OSBPL9: variants seen among roughly 807,000 people sequenced by gnomAD.
OSBPL9 encodes oxysterol-binding protein-related protein 9.
In OSBPL9, 40 loss-of-function variants were observed where a neutral mutation model predicts 106.6. That is an observed-to-expected ratio of 0.38 (90% confidence interval 0.29 to 0.49). The LOEUF (loss-of-function observed/expected upper bound fraction) is 0.49. OSBPL9 is among the 20% of genes least tolerant of loss of function. The pLI is 0.97. For missense variants in OSBPL9, 609 were observed against 887.2 expected (o/e 0.69, Z 3.98); for synonymous variants, 269 against 295.4 (o/e 0.91, Z 0.92).
At chr1:51,757,291 A>C (rs1404013325) in intron 9 of OSBPL9, among the ~76,000 whole-genome samples, 2 of 152,112 alleles carry the variant, frequency 1.3e-5, no homozygotes, top group Non-Finnish European at 2.9e-5. Context: ...AATATATCAG[A>C]ATTTTTGTCA....
intron 15 of OSBPL9, among the ~76,000 whole-genome samples, chr1:51,780,010 G>A (rs1675960343): frequency 6.6e-6 from 1 of 151,616 alleles, no homozygotes; most frequent in African/African-American, 2.4e-5. Context: ...CCCGGCAGGT[G>A]GAGCTTGCAG....
chr1:51,694,808 G>A (rs1002201293), intron 3 of OSBPL9, among the ~76,000 whole-genome samples: 14 of 152,268 alleles, frequency 9.2e-5, no homozygotes, highest in African/African-American at 3.1e-4. Flanking sequence ...TGTCAAGGTC[G>A]TGGTGGCTGG....
At chr1:51,661,876 G>A (rs1647189286) in intron 2 of OSBPL9, among the ~76,000 whole-genome samples, 1 of 152,156 alleles carries the variant, frequency 6.6e-6, no homozygotes, top group Non-Finnish European at 1.5e-5. Flanking sequence ...GGGGCAATTG[G>A]TAAACCTTAA....
intron 3 of OSBPL9, among the ~76,000 whole-genome samples, chr1:51,694,497 A>G (rs545027693): frequency 2.0e-4 from 31 of 152,354 alleles, no homozygotes; most frequent in Admixed American, 5.9e-4. Flanking sequence ...ATACTCACCA[A>G]AATTTAAGTG....
chr1:51,763,258 C>T (rs187435201), intron 11 of OSBPL9, among the ~76,000 whole-genome samples: 2 of 152,226 alleles, frequency 1.3e-5, no homozygotes, highest in African/African-American at 4.8e-5. Flanking sequence ...TGTCCACCTC[C>T]ACCTCCCAAA....
intron 4 of OSBPL9, among the ~76,000 whole-genome samples, chr1:51,731,775 CA>C (rs905927971): frequency 4.5e-3 from 299 of 67,158 alleles, no homozygotes; most frequent in Admixed American, 6.6e-3. Flanking sequence ...GAGTCTGTCT[CA>C]AAAAAAAAAA....
chr1:51,730,082 C>T, intron 4 of OSBPL9: 1 of 1,264,968 alleles, frequency 7.9e-7, no homozygotes, highest in Non-Finnish European at 1.0e-6. Context: ...GGCCGGAGCG[C>T]GAATGTCGTG....
At chr1:51,580,942 ATATATATATAT>A (rs1645217962) in intron 1 of OSBPL9, among the ~76,000 whole-genome samples, 1 of 816 alleles carries the variant, frequency 1.2e-3, no homozygotes. Flanking sequence ...ATATATATAT[ATATATATATAT>A]AACTTTTTTG....
chr1:51,534,894 C>T, the OSBPL9 span, among the ~76,000 whole-genome samples: 2 of 152,218 alleles, frequency 1.3e-5, no homozygotes, highest in Non-Finnish European at 2.9e-5. Context: ...CCTCTAGGAT[C>T]CCTTTCAATT....
At chr1:51,740,361 A>G (rs1666634888) in intron 4 of OSBPL9, 2 of 1,004,424 alleles carry the variant, frequency 2.0e-6, no homozygotes, top group East Asian at 3.1e-5. Context: ...CTAAGTTTTC[A>G]TTAGTTTTAT....
chr1:51,654,479 A>G (rs938692314), intron 2 of OSBPL9, among the ~76,000 whole-genome samples: 1 of 152,200 alleles, frequency 6.6e-6, no homozygotes, highest in Non-Finnish European at 1.5e-5. Flanking sequence ...TTGGCTTCAA[A>G]AACAACCACT....
chr1:51,600,712 A>G (rs1645322083), intron 2 of OSBPL9, among the ~76,000 whole-genome samples: 1 of 152,132 alleles, frequency 6.6e-6, no homozygotes, highest in Non-Finnish European at 1.5e-5. Flanking sequence ...AAGGGTTATT[A>G]TAAGGATTAC....
intron 3 of OSBPL9, among the ~76,000 whole-genome samples, chr1:51,672,330 A>C (rs1460267771): frequency 1.3e-5 from 2 of 152,238 alleles, no homozygotes; most frequent in Non-Finnish European, 2.9e-5. Context: ...AATTGTGTGC[A>C]TGTTTAATCA....
intron 4 of OSBPL9, among the ~76,000 whole-genome samples, chr1:51,714,613 A>G (rs1489694192): frequency 6.6e-6 from 1 of 152,046 alleles, no homozygotes; most frequent in Non-Finnish European, 1.5e-5. Context: ...TCCCATCTCT[A>G]TTTCTACGTT....
the OSBPL9 span, among the ~76,000 whole-genome samples, chr1:51,544,837 C>CTTTTTTT: frequency 1.0e-3 from 84 of 80,272 alleles, no homozygotes; most frequent in Middle Eastern, 0.01. Context: ...AAGAGACATG[C>CTTTTTTT]TTTTTTTTTT....
chr1:51,570,983 G>A, the OSBPL9 span, among the ~76,000 whole-genome samples: 13 of 152,076 alleles, frequency 8.5e-5, no homozygotes, highest in South Asian at 4.1e-4. Flanking sequence ...CACCACGCCC[G>A]GCTAATTTTG....
chr1:51,591,005 GC>G (rs202112657), intron 1 of OSBPL9, among the ~76,000 whole-genome samples: 3,873 of 147,154 alleles, frequency 0.026, 104 homozygotes, highest in Admixed American at 0.087. Context: ...TGCAAGTTCT[GC>G]CTCCCAGGTT....
chr1:51,678,672 A>C (rs530967916), intron 3 of OSBPL9, among the ~76,000 whole-genome samples: 1 of 152,302 alleles, frequency 6.6e-6, no homozygotes, highest in South Asian at 2.1e-4. Context: ...AAAAATAAAT[A>C]AATAAATAAA....
intron 2 of OSBPL9, among the ~76,000 whole-genome samples, chr1:51,659,305 A>G (rs967519326): frequency 2.0e-5 from 3 of 152,152 alleles, no homozygotes; most frequent in African/African-American, 7.2e-5. Context: ...CCTCACACAC[A>G]TACTTCTGAA....
Sources: allele counts gnomAD v4.1 joint callset (sites outside exome capture counted in the v4.1 genomes callset), GRCh38; gene constraint gnomAD v4.1.1; transcripts MANE v1.5; gene names NCBI Gene and HGNC (gene_info 2026-07-23, HGNC 2026-07-21).